PDCD1LG2: variants seen among roughly 807,000 people sequenced by gnomAD.
PDCD1LG2 encodes B7 dendritic cell molecule.
A neutral mutation model predicts 28.2 loss-of-function variants in PDCD1LG2; 32 were observed. The observed-to-expected ratio is 1.13, with a 90% CI of 0.86 to 1.52. The LOEUF (loss-of-function observed/expected upper bound fraction) is 1.52, where lower values mean the gene tolerates loss of function less well. Ranked by LOEUF, PDCD1LG2 falls within the 40% of genes most tolerant of loss-of-function variation. PDCD1LG2 has a pLI of 0.00. For synonymous variants in PDCD1LG2, 116 were observed against 120.2 expected (o/e 0.97, Z 0.23); for missense variants, 385 against 323.8 (o/e 1.19, Z -1.45).
chr9:5,516,411 C>G (rs1245587596), intron 1 of PDCD1LG2, among the ~76,000 whole-genome samples: 1 of 152,032 alleles, frequency 6.6e-6, no homozygotes, highest in Non-Finnish European at 1.5e-5. Context: ...CCATGGGCAG[C>G]CATGGAAGGG....
intron 4 of PDCD1LG2, among the ~76,000 whole-genome samples, chr9:5,553,405 G>A (rs748583588): frequency 5.9e-5 from 9 of 152,130 alleles, no homozygotes; most frequent in Non-Finnish European, 1.2e-4. Flanking sequence ...ACTGTCGTTC[G>A]TTATATGGAA....
intron 1 of PDCD1LG2, among the ~76,000 whole-genome samples, chr9:5,520,163 A>C (rs1820246915): frequency 6.6e-6 from 1 of 152,236 alleles, no homozygotes; most frequent in Non-Finnish European, 1.5e-5. Flanking sequence ...ACAAAGTTGG[A>C]GGACTCACAC....
At chr9:5,564,655 G>T (rs1816629295) in intron 6 of PDCD1LG2, among the ~76,000 whole-genome samples, 1 of 152,122 alleles carries the variant, frequency 6.6e-6, no homozygotes, top group African/African-American at 2.4e-5. Context: ...GTCATCTCTT[G>T]TCTCTATAGA....
At chr9:5,562,560 G>A (rs1176781706) in intron 5 of PDCD1LG2, among the ~76,000 whole-genome samples, 1 of 151,984 alleles carries the variant, frequency 6.6e-6, no homozygotes, top group East Asian at 1.9e-4. Flanking sequence ...TTTGGGTGAC[G>A]GGTGCACTAA....
chr9:5,517,246 G>GA (rs1820185016), intron 1 of PDCD1LG2, among the ~76,000 whole-genome samples: 1 of 152,220 alleles, frequency 6.6e-6, no homozygotes, highest in Admixed American at 6.5e-5. Context: ...AAAAAACAAT[G>GA]AAAGTGTCCG....
rs114072032 is a variant in PDCD1LG2, at chr9:5,550,288, A to G, written c.631+684A>G. Among the ~76,000 whole-genome samples, 1,265 of 152,356 alleles carry G rather than the reference A, an allele frequency of 8.3e-3. 20 individuals carry two copies. Among genetic ancestry groups the G allele is most frequent in the African/African-American group, 0.028 (1,181 of 41,568 alleles). On this transcript the variant is annotated intron_variant, in intron 4 of 6. Transcript: ENST00000397747. Reference sequence around the variant, plus strand: ...AAGGGATCCCATACTTTTGAACTTCATACAGCAGAATTTCAAACAATCTTG... The same window carrying G: ...AAGGGATCCCATACTTTTGAACTTCGTACAGCAGAATTTCAAACAATCTTG...
At chr9:5,538,284 A>G (rs1039358293) in intron 3 of PDCD1LG2, among the ~76,000 whole-genome samples, 2 of 152,030 alleles carry the variant, frequency 1.3e-5, no homozygotes, top group African/African-American at 4.8e-5. Flanking sequence ...TGTTTCATAC[A>G]TATTCTTTTG....
intron 4 of PDCD1LG2, among the ~76,000 whole-genome samples, chr9:5,550,736 C>G (rs904852741): frequency 1.2e-4 from 18 of 152,000 alleles, no homozygotes; most frequent in Admixed American, 1.3e-4. Context: ...TTCTGCCCCC[C>G]AGGCTGGAAT....
chr9:5,513,544 A>G (rs1056354857), intron 1 of PDCD1LG2, among the ~76,000 whole-genome samples: 1 of 152,246 alleles, frequency 6.6e-6, no homozygotes, highest in Admixed American at 6.5e-5. Context: ...AAATTATTCT[A>G]TGAATTCTCA....
At chr9:5,545,540 G>C (rs537082333) in intron 3 of PDCD1LG2, among the ~76,000 whole-genome samples, 1 of 152,276 alleles carries the variant, frequency 6.6e-6, no homozygotes, top group South Asian at 2.1e-4. Flanking sequence ...AAGATAACAA[G>C]GGACACTTCA....
chr9:5,538,938 A>G (rs1820637210), intron 3 of PDCD1LG2, among the ~76,000 whole-genome samples: 1 of 152,100 alleles, frequency 6.6e-6, no homozygotes, highest in Non-Finnish European at 1.5e-5. Context: ...TAATTAGCAT[A>G]TTTATCATCT....
intron 5 of PDCD1LG2, among the ~76,000 whole-genome samples, chr9:5,560,996 C>T (rs905172468): frequency 2.0e-5 from 3 of 152,052 alleles, no homozygotes; most frequent in Non-Finnish European, 2.9e-5. Flanking sequence ...CTTGTCTTTA[C>T]GTTTCAAGAA....
rs59255354 is a variant in PDCD1LG2, at chr9:5,569,406, G to A, written c.817-548G>A. On this transcript the variant is annotated intron_variant, in intron 6 of 6. Transcript: ENST00000397747. The surrounding 1 kb of genome is among the most constrained non-coding windows in gnomAD (Gnocchi z 4.1). Reference sequence around the variant, plus strand: ...AAAGGTCCATCTGGCAGGACCTATGGTCTTTAACAGAGGGACAAAGTCAAC... The same window carrying A: ...AAAGGTCCATCTGGCAGGACCTATGATCTTTAACAGAGGGACAAAGTCAAC... Among the ~76,000 whole-genome samples, 8,184 of 152,204 alleles carry A rather than the reference G, an allele frequency of 0.054. 300 individuals are homozygous for A. The highest frequency in any genetic ancestry group is 0.11 in the African/African-American group (4,408 of 41,508).
chr9:5,515,331 G>A (rs996987800), intron 1 of PDCD1LG2, among the ~76,000 whole-genome samples: 2 of 152,166 alleles, frequency 1.3e-5, no homozygotes, highest in African/African-American at 2.4e-5. Flanking sequence ...GTTCGTTTTT[G>A]TCTCCTGGAG....
intron 2 of PDCD1LG2, among the ~76,000 whole-genome samples, chr9:5,525,858 C>T (rs1820365994): frequency 6.6e-6 from 1 of 151,806 alleles, no homozygotes; most frequent in Non-Finnish European, 1.5e-5. Flanking sequence ...ACCAGCCTGG[C>T]CCGCATGGTG....
rs74833013 is a variant in PDCD1LG2 at position 5,567,237 on chromosome 9, C to T, written c.817-2717C>T. The stretch of plus-strand genomic sequence containing the variant: ...CAATGTCTTAGTTGCCTTTCAAAGA[C>T]TCCTAGCACAGCTAAATGTGATGGA... On this transcript the variant is annotated intron_variant, in intron 6 of 6. Transcript: ENST00000397747. 3.9e-5 allele frequency among the ~76,000 whole-genome samples: 6 copies of T among 152,312 alleles called. No individual in the cohort carries two copies. In the East Asian group the frequency reaches 1.2e-3, roughly 29 times the overall value.
chr9:5,538,058 G>C (rs1407219599), intron 3 of PDCD1LG2, among the ~76,000 whole-genome samples: 1 of 152,132 alleles, frequency 6.6e-6, no homozygotes, highest in Non-Finnish European at 1.5e-5. Context: ...TGTAGGGAAG[G>C]TGAAATTGGA....
At chr9:5,566,333 A>C (rs1418763134) in intron 6 of PDCD1LG2, among the ~76,000 whole-genome samples, 3 of 152,358 alleles carry the variant, frequency 2.0e-5, no homozygotes, top group East Asian at 1.9e-4. Flanking sequence ...AATAGAGTTC[A>C]GTATTAGCGC....
intron 5 of PDCD1LG2, among the ~76,000 whole-genome samples, chr9:5,560,437 T>A (rs1437588913): frequency 1.3e-5 from 2 of 152,214 alleles, no homozygotes; most frequent in East Asian, 3.9e-4. Flanking sequence ...CCATCCACTG[T>A]GCAAAGGTAA....
Sources: gnomAD v4.1 joint callset for allele counts (sites outside exome capture counted in the v4.1 genomes callset) on GRCh38, gnomAD v4.1.1 for gene constraint, Gnocchi (gnomAD v3.1) non-coding constraint, MANE v1.5 for transcripts, NCBI Gene and HGNC (gene_info 2026-07-23, HGNC 2026-07-21) for gene names.